MVB12B: variants seen among roughly 807,000 people sequenced by gnomAD.
The protein encoded by MVB12B is multivesicular body subunit 12B.
A neutral mutation model predicts 41.6 loss-of-function variants in MVB12B; 16 were observed. The ratio of observed to expected loss-of-function variants is 0.38; its 90% CI spans 0.26 to 0.58. The LOEUF is 0.58. MVB12B is among the 20% of genes least tolerant of loss of function. The pLI is 0.62. For missense variants in MVB12B, 274 were observed against 380.2 expected, an observed-to-expected ratio of 0.72 and a Z score of 2.32; for synonymous variants, 133 against 139.7, an observed-to-expected ratio of 0.95 and a Z score of 0.34.
chr9:126,385,816 T>C (rs1830771910), intron 3 of MVB12B, among the ~76,000 whole-genome samples: 1 of 152,220 alleles, frequency 6.6e-6, no homozygotes, highest in African/African-American at 2.4e-5. Flanking sequence ...TAGATATCTT[T>C]AGAGCTCATT....
At chr9:126,429,354 G>A (rs1177059043) in intron 7 of MVB12B, among the ~76,000 whole-genome samples, 1 of 152,166 alleles carries the variant, frequency 6.6e-6, no homozygotes, top group African/African-American at 2.4e-5. Flanking sequence ...TAAAAGGTGC[G>A]GCTGACAGGT....
At chr9:126,414,219 G>A (rs1053854024) in intron 6 of MVB12B, among the ~76,000 whole-genome samples, 2 of 152,206 alleles carry the variant, frequency 1.3e-5, no homozygotes, top group Admixed American at 6.5e-5. Flanking sequence ...CATGTTAATT[G>A]AATAAGGTGC....
chr9:126,430,761 T>C (rs1398362793), intron 7 of MVB12B, among the ~76,000 whole-genome samples: 1 of 152,074 alleles, frequency 6.6e-6, no homozygotes, highest in Non-Finnish European at 1.5e-5. Context: ...CTCTGACACA[T>C]ACTGGCCATC....
chr9:126,336,754 G>GCGCGCA (rs1554766432), intron 1 of MVB12B, among the ~76,000 whole-genome samples: 1 of 150,292 alleles, frequency 6.7e-6, no homozygotes, highest in African/African-American at 2.5e-5. Context: ...GTGTGTGCAC[G>GCGCGCA]CACACACACA....
At position 126,395,103 on chromosome 9, in the gene MVB12B, C is replaced by T. The variant is rs1047867682; in HGVS notation, c.540-472C>T. ...CCCAAACTGACCCTGAGAATGAGTC[C>T]AACGGCAGGTGACACCCAGCTGCAA... On this transcript the variant is annotated intron_variant, in intron 5 of 9. Transcript: ENST00000361171. The surrounding 1 kb of genome is among the most constrained non-coding windows in gnomAD (Gnocchi z 4.9). Among the ~76,000 whole-genome samples the T allele has an allele frequency of 3.3e-5, 5 of 152,048 alleles. No individual in the cohort carries two copies. The highest frequency in any genetic ancestry group is 1.2e-4 in the African/African-American group (5 of 41,380).
chr9:126,490,983 T>G (rs962713774), intron 9 of MVB12B, among the ~76,000 whole-genome samples: 1 of 152,260 alleles, frequency 6.6e-6, no homozygotes, highest in Non-Finnish European at 1.5e-5. Context: ...TCCGTCTTGA[T>G]TATAATTGCT....
intron 6 of MVB12B, among the ~76,000 whole-genome samples, chr9:126,420,365 G>C (rs115584381): frequency 6.6e-6 from 1 of 152,174 alleles, no homozygotes; most frequent in Admixed American, 6.5e-5. Context: ...AGCCCTGAGC[G>C]TACAGTTGGT....
intron 9 of MVB12B, 139 bp from the exon 10 acceptor site, chr9:126,503,038 G>A (rs1372244166): frequency 1.3e-5 from 10 of 770,030 alleles, no homozygotes; most frequent in Middle Eastern, 2.3e-4. Context: ...GGCTGGCACC[G>A]GCCTGGCCAG....
chr9:126,362,235 A>G (rs1231554609), intron 2 of MVB12B, among the ~76,000 whole-genome samples: 2 of 152,168 alleles, frequency 1.3e-5, no homozygotes, highest in Middle Eastern at 3.2e-3. Flanking sequence ...AGTGACATGT[A>G]TATTGAACCA....
intron 6 of MVB12B, chr9:126,397,622 C>A (rs556530634): frequency 2.0e-6 from 2 of 985,376 alleles, no homozygotes; most frequent in South Asian, 4.7e-5. Context: ...AAGTAAAAGC[C>A]ATTTGTCTGT....
chr9:126,456,060 T>C (rs763018456), intron 7 of MVB12B, among the ~76,000 whole-genome samples: 4 of 152,008 alleles, frequency 2.6e-5, no homozygotes, highest in Non-Finnish European at 4.4e-5. Flanking sequence ...CCAGCTAATT[T>C]TGTATTTTTA....
In MVB12B at chr9:126,392,275, G is replaced by A. The variant is rs536774199; in HGVS notation, c.539+80G>A. On this transcript the variant is annotated intron_variant, in intron 5 of 9. Coordinates refer to ENST00000361171, the MANE Select transcript of MVB12B (RefSeq NM_033446.3). The surrounding 1 kb of genome is among the most constrained non-coding windows in gnomAD (Gnocchi z 4.8). ...CCACTCCAGGCAATGAGGTCCAAGA[G>A]ATTTCCATGCAGCCCCCCAGGCTCT... 607 of 1,535,396 alleles carry A rather than the reference G, an allele frequency of 4.0e-4. 2 individuals carry two copies. The highest frequency in any genetic ancestry group is 1.2e-3 in the South Asian group (106 of 86,366).
At chr9:126,430,221 T>C (rs953538417) in intron 7 of MVB12B, among the ~76,000 whole-genome samples, 2 of 152,170 alleles carry the variant, frequency 1.3e-5, no homozygotes, top group Non-Finnish European at 2.9e-5. Context: ...ACAGCCTGAC[T>C]GCATTCATTC....
intron 7 of MVB12B, among the ~76,000 whole-genome samples, chr9:126,467,241 C>T (rs1246059948): frequency 6.6e-6 from 1 of 152,166 alleles, no homozygotes; most frequent in Admixed American, 6.5e-5. Context: ...CTTCAGTATC[C>T]TGTACCTTGT....
intron 7 of MVB12B, among the ~76,000 whole-genome samples, chr9:126,470,676 GTA>G (rs61537736): frequency 0.2 from 30,496 of 151,350 alleles, 3,605 homozygotes; most frequent in South Asian, 0.28. Context: ...GTGTGTGTGT[GTA>G]ATCCAGATTG....
chr9:126,349,417 A>G (rs1301578425), intron 2 of MVB12B, among the ~76,000 whole-genome samples: 2 of 152,270 alleles, frequency 1.3e-5, no homozygotes, highest in Non-Finnish European at 2.9e-5. Context: ...GCCTCATAAA[A>G]TATAGAAAAA....
At chr9:126,499,872 G>A (rs1833916706) in intron 9 of MVB12B, among the ~76,000 whole-genome samples, 1 of 147,538 alleles carries the variant, frequency 6.8e-6, no homozygotes, top group African/African-American at 2.5e-5. Context: ...CCCAGCCCGC[G>A]GGCCGGGAGA....
chr9:126,397,671 A>G (rs1211027739), intron 6 of MVB12B: 1 of 982,934 alleles, frequency 1.0e-6, no homozygotes, highest in Non-Finnish European at 1.2e-6. Context: ...GGTAGGATGC[A>G]CACCTATGTA....
intron 7 of MVB12B, among the ~76,000 whole-genome samples, chr9:126,441,808 G>A (rs1043965078): frequency 7.9e-5 from 12 of 152,232 alleles, no homozygotes; most frequent in Admixed American, 5.9e-4. Context: ...ATTTGCATAT[G>A]CAAATGTGAT....
Sources: gnomAD v4.1 joint callset for allele counts (sites outside exome capture counted in the v4.1 genomes callset) on GRCh38, gnomAD v4.1.1 for gene constraint, Gnocchi (gnomAD v3.1) non-coding constraint, MANE v1.5 for transcripts, NCBI Gene and HGNC (gene_info 2026-07-23, HGNC 2026-07-21) for gene names.